The following CHEK1 variants were observed in gnomAD, a reference collection of about 807,000 sequenced individuals.
The protein encoded by CHEK1 is checkpoint kinase 1, also known as serine/threonine-protein kinase Chk1.
In CHEK1, 32 loss-of-function variants were observed where a neutral mutation model predicts 60.2. The observed-to-expected ratio is 0.53, with a 90% CI of 0.40 to 0.71. CHEK1 has a LOEUF of 0.71. Among genes scored for constraint, CHEK1 ranks in the 30% least tolerant of loss-of-function variants. The pLI is 0.00. For missense variants in CHEK1, 399 were observed against 564.6 expected (o/e 0.71, Z 2.97); for synonymous variants, 179 against 187.2 (o/e 0.96, Z 0.36).
At chr11:125,645,014 C>T (rs762292355) in intron 11 of CHEK1, among the ~76,000 whole-genome samples, 4 of 151,970 alleles carry the variant, frequency 2.6e-5, no homozygotes, top group Non-Finnish European at 5.9e-5. Context: ...TCAAAGAAAA[C>T]CAAACAAACA....
At chr11:125,667,589 C>G (rs1202701107) in intron 13 of CHEK1, among the ~76,000 whole-genome samples, 2 of 152,024 alleles carry the variant, frequency 1.3e-5, no homozygotes, top group Non-Finnish European at 1.5e-5. Context: ...ATTTCTTTTT[C>G]TTGCCTCATT....
intron 13 of CHEK1, chr11:125,671,561 C>T (rs369334990): frequency 1.2e-4 from 18 of 152,226 alleles, no homozygotes; most frequent in African/African-American, 4.1e-4. Context: ...ATTTTATATA[C>T]AGTAAAATTG....
chr11:125,629,106 CTT>C, intron 3 of CHEK1, 124 bp from the exon 4 acceptor site: 2 of 847,014 alleles, frequency 2.4e-6, no homozygotes, highest in South Asian at 1.6e-5. Flanking sequence ...ACTCCTGAAT[CTT>C]TTGTTGGCAT....
rs3216096 is a variant in CHEK1 at position 125,625,314 on chromosome 11, A to AC, written c.-718dup. 0.29 allele frequency: 68,657 copies of AC among 237,972 alleles called. 10,181 individuals carry two copies. The highest frequency in any genetic ancestry group is 0.38 in the East Asian group (6,207 of 16,490). 14.7% of individuals were successfully genotyped at this position (237,972 alleles called of 1,614,324 possible). A position where few individuals can be genotyped will look rare whatever the true frequency, so the allele number is the denominator to read the frequency against. ...AAAAAAGGCAAAACTGGTTATCCTG[A>AC]CTTCAAGCTCCAACATAAACTGCTC... On this transcript the variant is annotated 5_prime_UTR_variant, in exon 1 of 13. It introduces an in-frame stop codon into an upstream open reading frame of the 5' UTR. Transcript: ENST00000438015.
downstream of CHEK1, among the ~76,000 whole-genome samples, chr11:125,659,358 G>A (rs945195801): frequency 2.6e-5 from 4 of 151,494 alleles, no homozygotes; most frequent in Admixed American, 2.0e-4. Flanking sequence ...TAGATTTGTG[G>A]GTTTGATTGC....
In CHEK1 at chr11:125,626,221, T is replaced by G. The variant is rs1940593628; in HGVS notation, c.-21+209T>G. The stretch of plus-strand genomic sequence containing the variant: ...GCGGGGGCAGGAGGGACTAACCCGC[T>G]GCTAGCTAAGAACCCCAAGGAAGAG... On this transcript the variant is annotated intron_variant, in intron 1 of 12. Coordinates refer to ENST00000438015, the MANE Select transcript of CHEK1 (RefSeq NM_001114122.3). 11 of 581,744 alleles carry G rather than the reference T, an allele frequency of 1.9e-5. 3 individuals are homozygous for G. The South Asian group carries it at 1.9e-4, about 10-fold the overall frequency. The allele number at this position is 581,744 out of a possible 1,614,324, so 36.0% of individuals were successfully genotyped here.
intron 11 of CHEK1, among the ~76,000 whole-genome samples, chr11:125,646,396 C>G (rs484311): frequency 0.46 from 69,160 of 151,884 alleles, 16,604 homozygotes; most frequent in Admixed American, 0.57. Context: ...TGGGTTGTTT[C>G]TACTTTTTCA....
chr11:125,635,779 A>G (rs779307670), intron 7 of CHEK1: 1 of 241,122 alleles, frequency 4.1e-6, no homozygotes, highest in Non-Finnish European at 7.9e-6. Context: ...CTGCTCTTAG[A>G]TGGCTTTTTA....
intron 13 of CHEK1, among the ~76,000 whole-genome samples, chr11:125,673,198 CTTTCTTTTCT>C (rs140314927): frequency 7.5e-6 from 1 of 133,172 alleles, no homozygotes; most frequent in Non-Finnish European, 1.6e-5. Context: ...GGACTACACC[CTTTCTTTTCT>C]TTTCTTTTTT....
chr11:125,674,149 A>G (rs554762726), intron 13 of CHEK1, among the ~76,000 whole-genome samples: 1 of 152,312 alleles, frequency 6.6e-6, no homozygotes, highest in Non-Finnish European at 1.5e-5. Flanking sequence ...TCAAAAAAAA[A>G]ATTAACGGAC....
chr11:125,664,475 TC>T (rs1014161272), intron 13 of CHEK1, among the ~76,000 whole-genome samples: 1 of 152,088 alleles, frequency 6.6e-6, no homozygotes, highest in African/African-American at 2.4e-5. Flanking sequence ...CCTCAAGTGA[TC>T]CACCCATCTC....
intron 13 of CHEK1, chr11:125,672,675 C>G: frequency 6.2e-7 from 1 of 1,614,140 alleles, no homozygotes; most frequent in East Asian, 2.2e-5. Context: ...CATAGATGGG[C>G]ACATGTTCTC....
chr11:125,660,458 T>C (rs940354342), downstream of CHEK1, among the ~76,000 whole-genome samples: 13 of 152,282 alleles, frequency 8.5e-5, no homozygotes, highest in African/African-American at 3.1e-4. Context: ...GCTCCTAGGC[T>C]CAAGCGATCT....
intron 11 of CHEK1, among the ~76,000 whole-genome samples, chr11:125,646,229 A>G (rs1941500406): frequency 6.6e-6 from 1 of 152,134 alleles, no homozygotes; most frequent in South Asian, 2.1e-4. Flanking sequence ...AAATGGAATC[A>G]TATAACATGT....
In CHEK1 at chr11:125,637,545, G is replaced by C; in HGVS notation, c.814+1G>C. On this transcript the variant is annotated splice_donor_variant, in intron 8 of 12. Coordinates refer to ENST00000438015, the MANE Select transcript of CHEK1 (RefSeq NM_001114122.3). LOFTEE classifies it high-confidence loss of function. ...TGGTACAACAAACCCCTCAAGAAAG[G>C]TAATATCCTTAAACTACAAGTTTGT... 1.9e-6 allele frequency: 3 copies of C among 1,594,448 alleles called. No individual in the cohort carries two copies. Among genetic ancestry groups the C allele is most frequent in the Non-Finnish European group, 2.6e-6 (3 of 1,168,636 alleles).
chr11:125,625,576 CA>C lies in CHEK1; in HGVS notation c.-456del, dbSNP rs1486012344. The stretch of plus-strand genomic sequence containing the variant: ...CGGTGGCCTCACGCAGGTGGCGGTG[CA>C]GCCTTTCAGGCCCAGAGCGGCCAGG... On this transcript the variant is annotated 5_prime_UTR_variant, in exon 1 of 13. Transcript: ENST00000438015. 1.7e-5 allele frequency: 10 copies of C among 590,786 alleles called. No homozygotes were observed. The Admixed American group carries it at 2.7e-4, about 16-fold the overall frequency. 36.6% of individuals were successfully genotyped at this position (590,786 alleles called of 1,614,324 possible).
At chr11:125,664,754 T>C (rs928679023) in intron 13 of CHEK1, among the ~76,000 whole-genome samples, 4 of 152,216 alleles carry the variant, frequency 2.6e-5, no homozygotes, top group African/African-American at 9.6e-5. Flanking sequence ...TTTTTTTTGC[T>C]GTGCAGAAAT....
downstream of CHEK1, among the ~76,000 whole-genome samples, chr11:125,676,930 AGT>A (rs757406142): frequency 2.3e-3 from 347 of 150,272 alleles, 3 homozygotes; most frequent in Non-Finnish European, 4.2e-3. Flanking sequence ...CCCTGTGAAG[AGT>A]GTGTCCTTCT....
intron 9 of CHEK1, 94 bp downstream of exon 9, chr11:125,643,994 A>G: frequency 2.0e-6 from 3 of 1,527,872 alleles, no homozygotes; most frequent in East Asian, 4.5e-5. Flanking sequence ...CGACATTAAC[A>G]TAATACTGTA....
Sources: gnomAD v4.1 joint callset for allele counts (sites outside exome capture counted in the v4.1 genomes callset) on GRCh38, gnomAD v4.1.1 for gene constraint, MANE v1.5 for transcripts, NCBI Gene and HGNC (gene_info 2026-07-23, HGNC 2026-07-21) for gene names.